The following TASOR variants were observed in gnomAD, a reference collection of about 807,000 sequenced individuals.
The protein encoded by TASOR is protein TASOR.
A neutral mutation model predicts 178.6 loss-of-function variants in TASOR; 53 were observed. That is an observed-to-expected ratio of 0.30 (90% CI 0.24 to 0.37). The LOEUF is 0.37. Ranked by LOEUF, TASOR falls within the 10% of genes least tolerant of loss-of-function variation. The pLI, the probability that TASOR is intolerant of heterozygous loss-of-function variation, is 1.00. For synonymous variants in TASOR, 713 were observed against 696.2 expected (o/e 1.02, Z -0.38); for missense variants, 1,815 against 1,971.4 (o/e 0.92, Z 1.50).
intron 6 of TASOR, among the ~76,000 whole-genome samples, chr3:56,667,434 C>T (rs1051073133): frequency 6.6e-6 from 1 of 151,932 alleles, no homozygotes; most frequent in African/African-American, 2.4e-5. Flanking sequence ...GACAGGATCA[C>T]CTGAGGTCAG....
chr3:56,670,014 T>A, intron 4 of TASOR, 59 bp downstream of exon 4: 1 of 1,157,688 alleles, frequency 8.6e-7, no homozygotes, highest in East Asian at 2.6e-5. Flanking sequence ...TACGAGACAA[T>A]GTATTTTTAG....
At position 56,662,437 on chromosome 3, in the gene TASOR, A is replaced by G. The variant is rs374939335; in HGVS notation, c.1108T>C (p.Leu370=). The change falls in exon 9 of 24, where the codon TTG becomes CTG. Residue 370 remains leucine, a synonymous_variant. Transcript: ENST00000683822. The stretch of plus-strand genomic sequence containing the variant: ...GCTGACCTCAGAGAAATATAACACA[A>G]AAGTTTTCCTTTATTTAAAAGCTGT... The part of the protein sequence containing the change: ...KGQLLNKGKL[L]CYISLRSATR... 2.6e-6 allele frequency: 4 copies of G among 1,548,390 alleles called. No individual in the cohort carries two copies. Among genetic ancestry groups the G allele is most frequent in the Non-Finnish European group, 3.5e-6 (4 of 1,145,428 alleles).
intron 18 of TASOR, among the ~76,000 whole-genome samples, chr3:56,632,560 G>T (rs1308086875): frequency 6.6e-6 from 1 of 152,096 alleles, no homozygotes. Context: ...TATAAAACAA[G>T]ATTCTAAATT....
intron 14 of TASOR, among the ~76,000 whole-genome samples, chr3:56,644,626 A>C (rs986550892): frequency 2.0e-5 from 3 of 152,214 alleles, no homozygotes; most frequent in Non-Finnish European, 4.4e-5. Flanking sequence ...CAAGTATATA[A>C]GATGAGATTG....
At position 56,660,822 on chromosome 3, in the gene TASOR, C is replaced by T. The variant is rs1401500709; in HGVS notation, c.1277G>A (p.Gly426Glu). ...AACTTCATAAAGGCTGCAATACATTCCATTCTTCAAAACTGACATAAGAAA... is the reference window on the plus strand; with the variant it reads ...AACTTCATAAAGGCTGCAATACATTTCATTCTTCAAAACTGACATAAGAAA... ...YLGPNEVLKN[G>E]MYCSLYEVVE... is the part of the protein sequence containing the mutation. The change falls in exon 11 of 24, where the codon GGA (glycine) becomes GAA (glutamate). Residue 426 changes from glycine to glutamate, a missense_variant. Gly to Glu is a moderately conservative substitution (Grantham distance 98, BLOSUM62 -2). This residue lies in a region of TASOR where 504 missense variants were observed against 645.3 expected (regional missense o/e 0.78). Transcript: ENST00000683822. 6.2e-7 allele frequency: 1 copy of T among 1,613,676 alleles called. No individual in the cohort carries two copies. The highest frequency in any genetic ancestry group is 8.5e-7 in the Non-Finnish European group (1 of 1,179,912).
At chr3:56,636,015 C>T (rs965359615) in intron 17 of TASOR, among the ~76,000 whole-genome samples, 1 of 152,050 alleles carries the variant, frequency 6.6e-6, no homozygotes, top group African/African-American at 2.4e-5. Context: ...TTATTAAGAA[C>T]TTAACTGCTC....
Position 56,633,656 on chromosome 3 carries a change from A to G in TASOR, c.3135T>C (p.Ser1045=). ...TTGAAAAGATAGGTGTGGAAACTGT[A>G]CTGACATATGAAACATTCTTTTGCT... The part of the protein sequence containing the change: ...ILKQKNVSYV[S]TVSTPIFSTQ... The change falls in exon 18 of 24, where the codon AGT becomes AGC. Residue 1045 remains serine (S), a synonymous_variant. Transcript: ENST00000683822. 4 of 1,614,126 alleles carry G rather than the reference A, an allele frequency of 2.5e-6. No homozygotes were observed. Among genetic ancestry groups the G allele is most frequent in the Non-Finnish European group, 3.4e-6 (4 of 1,180,000 alleles).
At position 56,635,201 on chromosome 3, in the gene TASOR, A is replaced by C. The variant is rs538985596; in HGVS notation, c.2825-1235T>G. On this transcript the variant is annotated intron_variant, in intron 17 of 23. Coordinates refer to ENST00000683822, the MANE Select transcript of TASOR (RefSeq NM_001365635.2). ...CCAATCCTGGTGGTTATCATGAACC[A>C]GTACACTCATTAACTATTGCAAAGG... 3.9e-5 allele frequency among the ~76,000 whole-genome samples: 6 copies of C among 152,358 alleles called. No homozygotes were observed. The South Asian group carries it at 1.2e-3, about 32-fold the overall frequency.
rs779850134 is a variant in TASOR at position 56,646,872 on chromosome 3, A to G, written c.1865T>C (p.Leu622Pro). The G allele has an allele frequency of 6.2e-7, 1 of 1,605,746 alleles. No homozygotes were observed. The highest frequency in any genetic ancestry group is 8.5e-7 in the Non-Finnish European group (1 of 1,178,046). ...YQLPICKLKE[L>P]FEENRKLQQF... ...CTGAAGTTTTCTATTTTCTTCAAAT[A>G]GTTCTTTTAATTTACAAATAGGTAA... Residue 622 changes from leucine to proline, a missense_variant, in exon 14 of 24, where the codon CTA (leucine) becomes CCA (proline). Physicochemically the swap from Leu to Pro is moderately conservative, Grantham distance 98. Coordinates refer to ENST00000683822, the MANE Select transcript of TASOR (RefSeq NM_001365635.2).
Position 56,653,156 on chromosome 3 carries a change from G to A in TASOR, c.1369-4099C>T, listed in dbSNP as rs564919717. Among the ~76,000 whole-genome samples, 9 of 151,140 alleles carry A rather than the reference G, an allele frequency of 6.0e-5. No individual in the cohort carries two copies. The East Asian group carries it at 1.2e-3, about 20-fold the overall frequency. ...CACACACCTACAACCCCAGCTACTC[G>A]GGAGGCTGAAACAGGAGAACTGCTT... On this transcript the variant is annotated intron_variant, in intron 11 of 23. Transcript: ENST00000683822.
intron 3 of TASOR, among the ~76,000 whole-genome samples, chr3:56,670,940 CAAAA>C (rs11300845): frequency 3.7e-5 from 2 of 54,186 alleles, no homozygotes; most frequent in South Asian, 8.9e-4. Flanking sequence ...GACTCCATCT[CAAAA>C]AAAAAAAAAA....
At chr3:56,638,823 C>G in intron 16 of TASOR, 58 bp from the exon 17 acceptor site, 1 of 1,524,154 alleles carries the variant, frequency 6.6e-7, no homozygotes, top group East Asian at 2.3e-5. Flanking sequence ...ACACTAAGCA[C>G]CTTTCAGACA....
intron 17 of TASOR, among the ~76,000 whole-genome samples, chr3:56,636,749 G>A (rs2077026442): frequency 6.6e-6 from 1 of 152,052 alleles, no homozygotes; most frequent in African/African-American, 2.4e-5. Flanking sequence ...TAACTTTTAA[G>A]TGAAAGGGGA....
At chr3:56,645,046 G>A (rs563787908) in intron 14 of TASOR, among the ~76,000 whole-genome samples, 56 of 152,312 alleles carry the variant, frequency 3.7e-4, no homozygotes, top group Admixed American at 1.2e-3. Context: ...GGCCGAGGCA[G>A]ACAGATCACT....
intron 21 of TASOR, among the ~76,000 whole-genome samples, chr3:56,626,104 T>C (rs1165302135): frequency 2.6e-5 from 4 of 152,352 alleles, no homozygotes; most frequent in East Asian, 1.9e-4. Context: ...GAAATAATGA[T>C]TGACACAATG....
intron 7 of TASOR, among the ~76,000 whole-genome samples, chr3:56,666,013 T>C (rs1423070946): frequency 6.6e-6 from 1 of 152,108 alleles, no homozygotes; most frequent in African/African-American, 2.4e-5. Context: ...CAAACCTTCA[T>C]TTCTAAGGAA....
At chr3:56,651,389 G>C (rs1281241076) in intron 11 of TASOR, among the ~76,000 whole-genome samples, 8 of 151,914 alleles carry the variant, frequency 5.3e-5, no homozygotes, top group Admixed American at 2.6e-4. Context: ...CAAAAAAAGA[G>C]TTAGTATAAA....
chr3:56,662,444 T>G lies in TASOR; in HGVS notation c.1101A>C (p.Gly367=), dbSNP rs1197740199. The change falls in exon 9 of 24, where the codon GGA becomes GGC. Residue 367 remains glycine (G), a synonymous_variant. Coordinates refer to ENST00000683822, the MANE Select transcript of TASOR (RefSeq NM_001365635.2). ...TCAGAGAAATATAACACAAAAGTTT[T>G]CCTTTATTTAAAAGCTGTCCTTTCC... ...TLWKGQLLNK[G]KLLCYISLRS... 8 of 1,547,748 alleles carry G rather than the reference T, an allele frequency of 5.2e-6. No individual in the cohort carries two copies. Among genetic ancestry groups the G allele is most frequent in the Non-Finnish European group, 6.1e-6 (7 of 1,145,194 alleles).
chr3:56,677,303 G>A lies in TASOR; in HGVS notation c.332-3578C>T, dbSNP rs137940678. 4.6e-3 allele frequency among the ~76,000 whole-genome samples: 698 copies of A among 152,288 alleles called. 5 individuals are homozygous for A. Among genetic ancestry groups the A allele is most frequent in the African/African-American group, 0.016 (655 of 41,574 alleles). On this transcript the variant is annotated intron_variant, in intron 1 of 23. Transcript: ENST00000683822. ...CAAATAGGGAAAGCATTATGTATAT[G>A]AATTATCCATTTCACTCAGGGAACT...
Sources: allele counts gnomAD v4.1 joint callset (sites outside exome capture counted in the v4.1 genomes callset), GRCh38; gene constraint gnomAD v4.1.1; regional missense constraint gnomAD v4.1.1; transcripts MANE v1.5; gene names NCBI Gene and HGNC (gene_info 2026-07-23, HGNC 2026-07-21).